Variants in FCHSD2 observed in about 807,000 individuals in gnomAD.
FCHSD2 encodes F-BAR and double SH3 domains protein 2.
FCHSD2 carries 38 observed loss-of-function variants against 108.1 expected under a neutral mutation model. The ratio of observed to expected loss-of-function variants is 0.35; its 90% confidence interval spans 0.27 to 0.46. The LOEUF (loss-of-function observed/expected upper bound fraction) is 0.46, where lower values mean the gene tolerates loss of function less well. Ranked by LOEUF, FCHSD2 falls within the 20% of genes least tolerant of loss-of-function variation. The pLI, the probability that FCHSD2 is intolerant of heterozygous loss-of-function variation, is 1.00. For missense variants in FCHSD2, 751 were observed against 897.8 expected, an observed-to-expected ratio of 0.84 and a Z score of 2.09; for synonymous variants, 279 against 314.7, an observed-to-expected ratio of 0.89 and a Z score of 1.20.
intron 9 of FCHSD2, among the ~76,000 whole-genome samples, chr11:72,920,247 G>A (rs1361426325): frequency 1.3e-5 from 2 of 151,814 alleles, no homozygotes; most frequent in Non-Finnish European, 2.9e-5. Flanking sequence ...TAAGACAGAG[G>A]GCACACACAA....
At chr11:72,924,836 A>G (rs768382458) in intron 8 of FCHSD2, among the ~76,000 whole-genome samples, 55 of 152,212 alleles carry the variant, frequency 3.6e-4, no homozygotes, top group Non-Finnish European at 6.8e-4. Context: ...GTAATTATGT[A>G]ACATAACCAG....
intron 8 of FCHSD2, among the ~76,000 whole-genome samples, chr11:72,930,016 A>C (rs1484130566): frequency 2.6e-5 from 4 of 152,220 alleles, no homozygotes; most frequent in Non-Finnish European, 5.9e-5. Flanking sequence ...AGTGAAGTAG[A>C]GAATGAGGCA....
At chr11:72,918,544 A>G (rs1267487796) in intron 9 of FCHSD2, among the ~76,000 whole-genome samples, 2 of 152,152 alleles carry the variant, frequency 1.3e-5, no homozygotes, top group Admixed American at 1.3e-4. Context: ...GTTCCCTTCT[A>G]TTCTAGTTTG....
intron 12 of FCHSD2, among the ~76,000 whole-genome samples, chr11:72,868,560 A>C (rs1287440966): frequency 6.6e-6 from 1 of 152,070 alleles, no homozygotes; most frequent in Non-Finnish European, 1.5e-5. Flanking sequence ...GCATGGTATC[A>C]TGGGCCTGTA....
intron 3 of FCHSD2, among the ~76,000 whole-genome samples, chr11:73,034,664 C>T (rs911951669): frequency 9.9e-5 from 15 of 152,190 alleles, no homozygotes; most frequent in African/African-American, 3.6e-4. Context: ...GATACTACAT[C>T]GCCTACATTG....
chr11:73,136,078 T>C (rs924829335), intron 2 of FCHSD2, among the ~76,000 whole-genome samples: 1 of 151,168 alleles, frequency 6.6e-6, no homozygotes, highest in African/African-American at 2.4e-5. Context: ...AAGGATCACC[T>C]GAACCCAGGA....
intron 6 of FCHSD2, among the ~76,000 whole-genome samples, chr11:72,988,116 C>A (rs888398202): frequency 4.6e-5 from 7 of 152,156 alleles, no homozygotes; most frequent in Non-Finnish European, 1.0e-4. Context: ...AGATAGCCCC[C>A]TCCTTACTGG....
chr11:72,970,955 T>C (rs533185742), intron 8 of FCHSD2, among the ~76,000 whole-genome samples: 58 of 152,098 alleles, frequency 3.8e-4, no homozygotes, highest in Non-Finnish European at 6.6e-4. Flanking sequence ...TCTGAGTCAA[T>C]AGGCAGCATT....
chr11:72,948,539 T>G (rs1483665966), intron 8 of FCHSD2, among the ~76,000 whole-genome samples: 1 of 152,206 alleles, frequency 6.6e-6, no homozygotes, highest in Non-Finnish European at 1.5e-5. Flanking sequence ...TTGATACATA[T>G]TACCAATTAA....
intron 13 of FCHSD2, among the ~76,000 whole-genome samples, chr11:72,850,991 G>A (rs756476714): frequency 1.3e-5 from 2 of 150,582 alleles, no homozygotes; most frequent in African/African-American, 2.4e-5. Flanking sequence ...CCCAGCTACT[G>A]CGAAGGCTGA....
intron 11 of FCHSD2, among the ~76,000 whole-genome samples, chr11:72,888,966 CT>C (rs1855257497): frequency 6.7e-6 from 1 of 148,974 alleles, no homozygotes; most frequent in Admixed American, 6.7e-5. Context: ...TTTCTTTTTT[CT>C]TTTTATTGAG....
intron 8 of FCHSD2, among the ~76,000 whole-genome samples, chr11:72,944,906 C>T (rs1034338522): frequency 6.6e-6 from 1 of 152,140 alleles, no homozygotes; most frequent in African/African-American, 2.4e-5. Context: ...AAAAAGGATA[C>T]AAACAAATGG....
chr11:72,940,358 G>C (rs1467527946), intron 8 of FCHSD2: 7 of 442,366 alleles, frequency 1.6e-5, no homozygotes, highest in Non-Finnish European at 2.8e-5. Context: ...AAACATGCTA[G>C]TTTCTAAAAT....
intron 3 of FCHSD2, among the ~76,000 whole-genome samples, chr11:73,049,540 C>T (rs1434135618): frequency 2.9e-5 from 2 of 68,746 alleles, no homozygotes; most frequent in East Asian, 3.6e-4. Flanking sequence ...GTGGTGGGGT[C>T]GGGGGAGGGG....
intron 3 of FCHSD2, among the ~76,000 whole-genome samples, chr11:73,039,431 T>A (rs1473339083): frequency 6.6e-6 from 1 of 151,646 alleles, no homozygotes; most frequent in Non-Finnish European, 1.5e-5. Flanking sequence ...GGTGAGAGAC[T>A]CGCTTGAACC....
chr11:72,859,939 C>T (rs1027154146), intron 13 of FCHSD2, among the ~76,000 whole-genome samples: 1 of 152,136 alleles, frequency 6.6e-6, no homozygotes, highest in Admixed American at 6.5e-5. Context: ...TTTTAGGCAC[C>T]AGGAACCAGT....
At chr11:73,058,597 CTT>C (rs765288070) in intron 3 of FCHSD2, among the ~76,000 whole-genome samples, 121 of 137,274 alleles carry the variant, frequency 8.8e-4, no homozygotes, top group African/African-American at 2.2e-3. Context: ...TTTCATTTTC[CTT>C]TTTTTTTTTT....
At chr11:72,914,963 ATTTTTTTT>A (rs144998272) in intron 9 of FCHSD2, among the ~76,000 whole-genome samples, 1 of 120,468 alleles carries the variant, frequency 8.3e-6, no homozygotes, top group Non-Finnish European at 1.6e-5. Flanking sequence ...CAGAATGGGA[ATTTTTTTT>A]TTTTTTTTTT....
At chr11:72,997,678 C>T (rs754065621) in intron 5 of FCHSD2, among the ~76,000 whole-genome samples, 1 of 152,158 alleles carries the variant, frequency 6.6e-6, no homozygotes, top group African/African-American at 2.4e-5. Context: ...CTGAAAAGTA[C>T]ATTAAGATTC....
Sources: gnomAD v4.1 joint callset for allele counts (sites outside exome capture counted in the v4.1 genomes callset) on GRCh38, gnomAD v4.1.1 for gene constraint, MANE v1.5 for transcripts, NCBI Gene and HGNC (gene_info 2026-07-23, HGNC 2026-07-21) for gene names.